Variants in DPP6 observed in about 807,000 individuals in gnomAD.
DPP6 encodes the protein dipeptidyl peptidase like 6.
DPP6 carries 69 observed loss-of-function variants against 122.6 expected under a neutral mutation model. The ratio of observed to expected loss-of-function variants is 0.56; its 90% CI spans 0.46 to 0.69. The LOEUF (loss-of-function observed/expected upper bound fraction) is 0.69, where lower values mean the gene tolerates loss of function less well. DPP6 is among the 30% of genes least tolerant of loss of function. The pLI is 0.00. For missense variants in DPP6, 928 were observed against 1,116.9 expected, an observed-to-expected ratio of 0.83 and a Z score of 2.41; for synonymous variants, 418 against 433.1, an observed-to-expected ratio of 0.97 and a Z score of 0.43.
chr7:154,352,782 T>C (rs142521863), intron 1 of DPP6, among the ~76,000 whole-genome samples: 2,944 of 152,340 alleles, frequency 0.019, 88 homozygotes, highest in African/African-American at 0.065. Context: ...CCGTGGCATG[T>C]GTATACCTAT....
At chr7:154,373,289 A>G (rs1812833350) in intron 1 of DPP6, among the ~76,000 whole-genome samples, 1 of 152,236 alleles carries the variant, frequency 6.6e-6, no homozygotes, top group Non-Finnish European at 1.5e-5. Flanking sequence ...AGCCTTCAAG[A>G]AAATGTAGAA....
At chr7:154,712,570 A>G (rs922955058) in intron 7 of DPP6, among the ~76,000 whole-genome samples, 3 of 152,214 alleles carry the variant, frequency 2.0e-5, no homozygotes, top group Admixed American at 6.5e-5. Flanking sequence ...GGAGGCCTCA[A>G]GAAACTTACA....
rs1363364299 is a variant in DPP6 at position 154,892,881 on chromosome 7, G to A, written c.*401G>A. On this transcript the variant is annotated 3_prime_UTR_variant, in exon 26 of 26. Coordinates refer to ENST00000377770, the MANE Select transcript of DPP6 (RefSeq NM_130797.4). ...CACACTAGCCTCTGTGTTCCCGTTA[G>A]GGACATCACACCCTGTCTCACGTCG... is the stretch of plus-strand genomic sequence containing the variant. 4 of 529,978 alleles carry A rather than the reference G, an allele frequency of 7.5e-6. No individual in the cohort carries two copies. The highest frequency in any genetic ancestry group is 5.6e-5 in the South Asian group (4 of 71,680). The allele number at this position is 529,978 out of a possible 1,614,324, so 32.8% of individuals were successfully genotyped here. A position where few individuals can be genotyped will look rare whatever the true frequency, so the allele number is the denominator to read the frequency against.
In DPP6 at chr7:154,524,499, C is replaced by T. The variant is rs192114009; in HGVS notation, c.458-16033C>T. ...ACGTATCTCATGGCTGATGTGCTCA[C>T]ATGGCCAGACACCCAGCTGGATGTT... On this transcript the variant is annotated intron_variant, in intron 3 of 25. Coordinates refer to ENST00000377770, the MANE Select transcript of DPP6 (RefSeq NM_130797.4). 1.3e-4 allele frequency among the ~76,000 whole-genome samples: 20 copies of T among 152,316 alleles called. No individual in the cohort carries two copies. In the East Asian group the frequency reaches 3.9e-3, roughly 29 times the overall value.
At chr7:154,185,651 G>A (rs1798315819) in intron 1 of DPP6, among the ~76,000 whole-genome samples, 2 of 152,242 alleles carry the variant, frequency 1.3e-5, no homozygotes, top group South Asian at 4.2e-4. Flanking sequence ...TAAACAGCAA[G>A]CAGTGAGCGC....
chr7:153,890,683 CTTTTTTTTTTTTTTT>C (rs34345128), intron 1 of DPP6, among the ~76,000 whole-genome samples: 1 of 81,992 alleles, frequency 1.2e-5, no homozygotes, highest in African/African-American at 5.7e-5. Flanking sequence ...CAGTTTAGAA[CTTTTTTTTTTTTTTT>C]TTTTTTTTTT....
At chr7:154,796,196 C>T (rs1798043594) in intron 12 of DPP6, 1 of 352,738 alleles carries the variant, frequency 2.8e-6, no homozygotes, top group Non-Finnish European at 5.1e-6. Context: ...ATGAACAGTC[C>T]ATCAAAGGTG....
rs1806286494 is a variant in DPP6, at chr7:154,887,808, T to TGGCTGGGCAGA, written c.2304+75_2304+76insGCTGGGCAGAG. 6.5e-6 allele frequency: 10 copies of TGGCTGGGCAGA among 1,550,386 alleles called. No individual in the cohort carries two copies. The East Asian group carries it at 2.0e-4, about 31-fold the overall frequency. On this transcript the variant is annotated intron_variant, in intron 23 of 25. Transcript: ENST00000377770. ...CCACAGTCTCCCAGCCTGCCCTGGCTGTATGGCCCACTCTGCCTTCCCCAG... is the reference window on the plus strand; with the variant it reads ...CCACAGTCTCCCAGCCTGCCCTGGCTGGCTGGGCAGAGTATGGCCCACTCTGCCTTCCCCAG...
In DPP6 at chr7:154,352,767, A is replaced by T. The variant is rs539064415; in HGVS notation, c.244-93447A>T. On this transcript the variant is annotated intron_variant, in intron 1 of 25. Transcript: ENST00000377770. Reference sequence around the variant, plus strand: ...AGATGATGGGTTGACAGGTGCAGCAAACCACCGTGGCATGTGTATACCTAT... The same window carrying T: ...AGATGATGGGTTGACAGGTGCAGCATACCACCGTGGCATGTGTATACCTAT... Among the ~76,000 whole-genome samples the T allele has an allele frequency of 2.4e-4, 36 of 152,286 alleles. No homozygotes were observed. In the South Asian group the frequency reaches 7.5e-3, roughly 32 times the overall value.
At chr7:154,259,329 C>T (rs530020740) in intron 1 of DPP6, among the ~76,000 whole-genome samples, 1 of 152,310 alleles carries the variant, frequency 6.6e-6, no homozygotes, top group East Asian at 1.9e-4. Context: ...CTAGGTCCTC[C>T]CTCTACGGAG....
intron 1 of DPP6, among the ~76,000 whole-genome samples, chr7:154,366,353 C>G (rs528878366): frequency 6.6e-6 from 1 of 152,196 alleles, no homozygotes; most frequent in African/African-American, 2.4e-5. Flanking sequence ...CCAAATACCC[C>G]TCCCATCTCT....
intron 1 of DPP6, among the ~76,000 whole-genome samples, chr7:154,283,288 A>G (rs928309756): frequency 6.6e-6 from 1 of 152,190 alleles, no homozygotes; most frequent in African/African-American, 2.4e-5. Flanking sequence ...ACAGCTGTGT[A>G]AACTTGAGCA....
At chr7:154,591,678 A>G (rs1832814925) in intron 5 of DPP6, among the ~76,000 whole-genome samples, 1 of 152,192 alleles carries the variant, frequency 6.6e-6, no homozygotes, top group African/African-American at 2.4e-5. Flanking sequence ...TTTCAGCAGC[A>G]TTTCCACTGT....
At chr7:154,307,683 G>A (rs1806475580) in intron 1 of DPP6, among the ~76,000 whole-genome samples, 1 of 152,076 alleles carries the variant, frequency 6.6e-6, no homozygotes, top group African/African-American at 2.4e-5. Flanking sequence ...TCTTATTCCT[G>A]CATTATATAT....
rs145638742 is a variant in DPP6, at chr7:154,880,878, G to C, written c.2079-10G>C. On this transcript the variant is annotated splice_polypyrimidine_tract_variant and intron_variant, in intron 20 of 25. Coordinates refer to ENST00000377770, the MANE Select transcript of DPP6 (RefSeq NM_130797.4). ...GCACTGAACCCTCTTTCCCCTCCTC[G>C]ACCTCACAGGACGATGCTGAAGGAG... 6.2e-6 allele frequency: 10 copies of C among 1,613,942 alleles called. No individual in the cohort carries two copies. Among genetic ancestry groups the C allele is most frequent in the Admixed American group, 5.0e-5 (3 of 60,014 alleles).
chr7:154,208,964 G>C, intron 1 of DPP6, among the ~76,000 whole-genome samples: 1 of 152,040 alleles, frequency 6.6e-6, no homozygotes, highest in African/African-American at 2.4e-5. Context: ...CATGCACATG[G>C]ACACACACAC....
chr7:154,841,800 A>G (rs1584866467), intron 16 of DPP6, among the ~76,000 whole-genome samples: 1 of 152,112 alleles, frequency 6.6e-6, no homozygotes, highest in Admixed American at 6.5e-5. Context: ...TGTATGGGAA[A>G]TAGGATCACT....
At chr7:154,124,394 G>A (rs1179283510) in intron 1 of DPP6, among the ~76,000 whole-genome samples, 1 of 152,132 alleles carries the variant, frequency 6.6e-6, no homozygotes, top group African/African-American at 2.4e-5. Context: ...AGAGGCTGGA[G>A]AGGGGCAGGG....
chr7:154,577,306 G>C (rs1415139054), intron 5 of DPP6, among the ~76,000 whole-genome samples: 1 of 152,150 alleles, frequency 6.6e-6, no homozygotes, highest in Admixed American at 6.5e-5. Flanking sequence ...GCATGGAAGA[G>C]AGGAAGCCGA....
Sources: gnomAD v4.1 joint callset for allele counts (sites outside exome capture counted in the v4.1 genomes callset) on GRCh38, gnomAD v4.1.1 for gene constraint, MANE v1.5 for transcripts, NCBI Gene and HGNC (gene_info 2026-07-23, HGNC 2026-07-21) for gene names.